ITPR2: variants seen among roughly 807,000 people sequenced by gnomAD.
The protein encoded by ITPR2 is inositol 1,4,5-trisphosphate-gated calcium channel ITPR2.
In ITPR2, 207 loss-of-function variants were observed where a neutral mutation model predicts 317.1. The ratio of observed to expected loss-of-function variants is 0.65; its 90% CI spans 0.58 to 0.73. ITPR2 has a LOEUF of 0.73. Ranked by LOEUF, ITPR2 falls within the 30% of genes least tolerant of loss-of-function variation. The pLI is 0.00. For synonymous variants in ITPR2, 1,156 were observed against 1,149.1 expected (o/e 1.01, Z -0.12); for missense variants, 2,613 against 3,284.0 (o/e 0.80, Z 4.99).
At chr12:26,510,932 G>C (rs1474922515) in intron 37 of ITPR2, among the ~76,000 whole-genome samples, 1 of 152,120 alleles carries the variant, frequency 6.6e-6, no homozygotes, top group African/African-American at 2.4e-5. Context: ...AGACGTGTTG[G>C]GGGCAGAAGT....
At chr12:26,598,450 A>G (rs2136733683) in intron 30 of ITPR2, among the ~76,000 whole-genome samples, 1 of 152,312 alleles carries the variant, frequency 6.6e-6, no homozygotes, top group East Asian at 1.9e-4. Flanking sequence ...CAAATGGGCC[A>G]CTAGAGAACC....
chr12:26,598,431 C>G (rs1945905987), intron 30 of ITPR2, among the ~76,000 whole-genome samples: 1 of 152,136 alleles, frequency 6.6e-6, no homozygotes, highest in East Asian at 1.9e-4. Context: ...GGTGGAAGCT[C>G]CCTTAACCCA....
At chr12:26,668,557 A>G (rs1183170676) in intron 13 of ITPR2, among the ~76,000 whole-genome samples, 7 of 152,164 alleles carry the variant, frequency 4.6e-5, no homozygotes, top group Admixed American at 4.6e-4. Flanking sequence ...AAAAACAAAA[A>G]TCTCCCACCT....
chr12:26,340,091 G>T, intron 56 of ITPR2, 76 bp downstream of exon 56: 1 of 1,395,936 alleles, frequency 7.2e-7, no homozygotes, highest in Non-Finnish European at 9.6e-7. Context: ...CTGGCTCCCT[G>T]GACCCTCTGT....
At chr12:26,349,130 A>T (rs938246748) in intron 55 of ITPR2, among the ~76,000 whole-genome samples, 4 of 152,218 alleles carry the variant, frequency 2.6e-5, no homozygotes, top group Admixed American at 6.5e-5. Context: ...TCTGGGCAAC[A>T]CACAGAGTCC....
intron 52 of ITPR2, among the ~76,000 whole-genome samples, chr12:26,409,956 G>C (rs1940488259): frequency 6.6e-6 from 1 of 152,186 alleles, no homozygotes; most frequent in Admixed American, 6.5e-5. Context: ...TATGAGAACA[G>C]GGTGGCTGTT....
intron 2 of ITPR2, among the ~76,000 whole-genome samples, chr12:26,782,668 A>T (rs1950118397): frequency 6.6e-6 from 1 of 151,862 alleles, no homozygotes; most frequent in African/African-American, 2.4e-5. Context: ...AACTTCTTAT[A>T]CTTACTTTCT....
chr12:26,693,363 T>C (rs73078618), intron 10 of ITPR2, among the ~76,000 whole-genome samples: 2,037 of 152,312 alleles, frequency 0.013, 17 homozygotes, highest in Non-Finnish European at 0.022. Context: ...AACTTCACCA[T>C]GGATATATGA....
intron 45 of ITPR2, among the ~76,000 whole-genome samples, chr12:26,449,848 A>G (rs1941698024): frequency 6.6e-6 from 1 of 152,166 alleles, no homozygotes; most frequent in South Asian, 2.1e-4. Flanking sequence ...TTGTGTCCAA[A>G]TCAAGCCAAA....
intron 39 of ITPR2, among the ~76,000 whole-genome samples, chr12:26,493,037 T>C (rs1327625931): frequency 2.0e-5 from 3 of 151,950 alleles, no homozygotes; most frequent in Non-Finnish European, 2.9e-5. Flanking sequence ...GAATACCTGG[T>C]TCAGATAAGA....
At chr12:26,417,774 T>G (rs1317718696) in intron 50 of ITPR2, among the ~76,000 whole-genome samples, 1 of 144,118 alleles carries the variant, frequency 6.9e-6, no homozygotes, top group African/African-American at 2.5e-5. Flanking sequence ...CCTATCCATT[T>G]TATAAACAAG....
At chr12:26,656,190 C>A (rs1947364190) in intron 19 of ITPR2, 107 bp downstream of exon 19, 2 of 1,384,896 alleles carry the variant, frequency 1.4e-6, no homozygotes, top group Non-Finnish European at 2.0e-6. Flanking sequence ...CAACCCAAGA[C>A]AGGATACACA....
At chr12:26,773,464 G>A (rs1263464730) in intron 2 of ITPR2, among the ~76,000 whole-genome samples, 1 of 152,126 alleles carries the variant, frequency 6.6e-6, no homozygotes, top group East Asian at 1.9e-4. Context: ...GGTAAGTGAG[G>A]GAGCTGGAGA....
chr12:26,596,403 T>G (rs1012242502), intron 31 of ITPR2, among the ~76,000 whole-genome samples: 1 of 152,164 alleles, frequency 6.6e-6, no homozygotes, highest in Non-Finnish European at 1.5e-5. Flanking sequence ...ATCCAACACT[T>G]TGGGAGGCCG....
chr12:26,405,255 A>T (rs1940311999), intron 52 of ITPR2, among the ~76,000 whole-genome samples: 1 of 152,242 alleles, frequency 6.6e-6, no homozygotes, highest in South Asian at 2.1e-4. Context: ...CATTTAAAAG[A>T]ACTAAATATA....
At position 26,339,437 on chromosome 12, in the gene ITPR2, G is replaced by C; in HGVS notation, c.8066C>G (p.Ser2689Ter). 1 of 1,613,866 alleles carries C rather than the reference G, an allele frequency of 6.2e-7. No homozygotes were observed. Among genetic ancestry groups the C allele is most frequent in the Non-Finnish European group, 8.5e-7 (1 of 1,179,874 alleles). Residue 2689 changes from serine to a stop codon, truncating the protein, a stop_gained, in exon 57 of 57, where the codon TCA becomes TGA. Transcript: ENST00000381340. LOFTEE classifies it high-confidence loss of function. ...KNKQRLGFLG[S>*]NTPHVNHHMP... ...GTGATGATTCACATGGGGTGTGTTT[G>C]ATCCGAGGAAGCCCAGTCTCTGCTT... is the stretch of plus-strand genomic sequence containing the variant.
At chr12:26,695,902 G>C (rs1391322741) in intron 9 of ITPR2, among the ~76,000 whole-genome samples, 1 of 152,076 alleles carries the variant, frequency 6.6e-6, no homozygotes, top group African/African-American at 2.4e-5. Flanking sequence ...GAAGAAGTAA[G>C]AATTGACAAT....
intron 34 of ITPR2, among the ~76,000 whole-genome samples, chr12:26,568,940 T>C (rs116126585): frequency 1.1e-3 from 162 of 152,322 alleles, no homozygotes; most frequent in African/African-American, 3.8e-3. Flanking sequence ...AATCCTTACA[T>C]TGAATAATGC....
chr12:26,721,295 A>G (rs1374786389), intron 5 of ITPR2: 6 of 615,530 alleles, frequency 9.7e-6, no homozygotes, highest in Admixed American at 8.6e-5. Flanking sequence ...CCAAAGGAAG[A>G]TATCACCAGA....
Sources: gnomAD v4.1 joint callset for allele counts (sites outside exome capture counted in the v4.1 genomes callset) on GRCh38, gnomAD v4.1.1 for gene constraint, MANE v1.5 for transcripts, NCBI Gene and HGNC (gene_info 2026-07-23, HGNC 2026-07-21) for gene names.